Variants in PDE1A observed in about 807,000 individuals in gnomAD.
PDE1A encodes phosphodiesterase 1A.
PDE1A carries 35 observed loss-of-function variants against 61.7 expected under a neutral mutation model. The ratio of observed to expected loss-of-function variants is 0.57; its 90% CI spans 0.43 to 0.75. The LOEUF (loss-of-function observed/expected upper bound fraction) is 0.75, where lower values mean the gene tolerates loss of function less well. Ranked by LOEUF, PDE1A falls within the 30% of genes least tolerant of loss-of-function variation. The pLI is 0.00. For synonymous variants in PDE1A, 232 were observed against 213.2 expected (o/e 1.09, Z -0.77); for missense variants, 597 against 630.6 (o/e 0.95, Z 0.57).
At chr2:182,642,066 A>C in the PDE1A span, among the ~76,000 whole-genome samples, 3 of 152,248 alleles carry the variant, frequency 2.0e-5, no homozygotes. Flanking sequence ...TTCATAGGAC[A>C]AACTTAACTA....
upstream of PDE1A, among the ~76,000 whole-genome samples, chr2:182,526,817 T>C (rs1690779081): frequency 6.6e-6 from 1 of 152,124 alleles, no homozygotes; most frequent in Admixed American, 6.5e-5. Flanking sequence ...CAATTCAAAA[T>C]TATAAAACAC....
the PDE1A span, among the ~76,000 whole-genome samples, chr2:182,659,721 T>G: frequency 6.6e-6 from 1 of 152,218 alleles, no homozygotes; most frequent in Non-Finnish European, 1.5e-5. Context: ...GGTATTCCTT[T>G]CCTCACTTAC....
chr2:182,326,465 CA>C (rs1208734571), intron 1 of PDE1A, among the ~76,000 whole-genome samples: 1 of 151,906 alleles, frequency 6.6e-6, no homozygotes, highest in Middle Eastern at 3.2e-3. Flanking sequence ...AAGTTAGATG[CA>C]AAAAAGATGA....
the PDE1A span, among the ~76,000 whole-genome samples, chr2:182,597,172 T>A: frequency 1.4e-5 from 2 of 143,754 alleles, no homozygotes; most frequent in Admixed American, 1.4e-4. Context: ...AAAAAAAAAT[T>A]TTTTTTTTAA....
chr2:182,422,051 C>A (rs1703311728), intron 1 of PDE1A, among the ~76,000 whole-genome samples: 1 of 152,190 alleles, frequency 6.6e-6, no homozygotes, highest in Non-Finnish European at 1.5e-5. Flanking sequence ...ACAGCGTGAT[C>A]TGAATGCTGT....
chr2:182,532,452 C>T, the PDE1A span, among the ~76,000 whole-genome samples: 1 of 151,672 alleles, frequency 6.6e-6, no homozygotes, highest in African/African-American at 2.4e-5. Context: ...TGTATGATTC[C>T]GATTATATGA....
chr2:182,564,387 C>G, the PDE1A span, among the ~76,000 whole-genome samples: 1 of 152,168 alleles, frequency 6.6e-6, no homozygotes, highest in African/African-American at 2.4e-5. Flanking sequence ...TTGGCCCCCA[C>G]TCTCTTCTGG....
At chr2:182,553,905 T>A in the PDE1A span, among the ~76,000 whole-genome samples, 1 of 152,332 alleles carries the variant, frequency 6.6e-6, no homozygotes, top group South Asian at 2.1e-4. Context: ...GGTGGGTGCA[T>A]GCCGAAAAGT....
the PDE1A span, among the ~76,000 whole-genome samples, chr2:182,607,673 T>C: frequency 2.0e-5 from 3 of 152,236 alleles, no homozygotes; most frequent in Non-Finnish European, 4.4e-5. Flanking sequence ...CAACTGCGTG[T>C]AAATTTACCT....
intron 2 of PDE1A, among the ~76,000 whole-genome samples, chr2:182,461,010 G>A (rs951504916): frequency 1.3e-5 from 2 of 152,094 alleles, no homozygotes; most frequent in East Asian, 3.9e-4. Flanking sequence ...AAATAAATAA[G>A]CTTCTTTACT....
At chr2:182,659,112 ATCTC>A in the PDE1A span, among the ~76,000 whole-genome samples, 15 of 152,228 alleles carry the variant, frequency 9.9e-5, no homozygotes, top group East Asian at 2.9e-3. Context: ...TATACCATCC[ATCTC>A]TCTATTTGTA....
At chr2:182,329,089 T>C (rs1697231972) in intron 1 of PDE1A, among the ~76,000 whole-genome samples, 3 of 152,162 alleles carry the variant, frequency 2.0e-5, no homozygotes, top group Admixed American at 1.3e-4. Context: ...AAAAAAATTA[T>C]ACACAACAAA....
At chr2:182,637,650 T>C in the PDE1A span, among the ~76,000 whole-genome samples, 1 of 152,132 alleles carries the variant, frequency 6.6e-6, no homozygotes, top group Non-Finnish European at 1.5e-5. Flanking sequence ...GGCCGGGCAC[T>C]GTGGCTCACA....
intron 13 of PDE1A, among the ~76,000 whole-genome samples, chr2:182,162,285 G>T (rs984775628): frequency 6.6e-6 from 1 of 152,152 alleles, no homozygotes; most frequent in Non-Finnish European, 1.5e-5. Flanking sequence ...GGCAAGGTGG[G>T]CGTAGTTACT....
chr2:182,230,560 GATGA>G (rs1294984257), intron 5 of PDE1A, among the ~76,000 whole-genome samples: 2 of 152,136 alleles, frequency 1.3e-5, no homozygotes, highest in Non-Finnish European at 2.9e-5. Flanking sequence ...TACAGGAAAT[GATGA>G]AAGTAATAAG....
At chr2:182,526,633 T>C (rs1433057702), upstream of PDE1A, among the ~76,000 whole-genome samples, 6 of 152,214 alleles carry the variant, frequency 3.9e-5, no homozygotes, top group African/African-American at 1.4e-4. Flanking sequence ...ATCTATGAGT[T>C]TGATTAAACT....
At chr2:182,687,050 T>C in the PDE1A span, among the ~76,000 whole-genome samples, 1 of 152,214 alleles carries the variant, frequency 6.6e-6, no homozygotes. Flanking sequence ...TTGAACTAGG[T>C]GGAGCCCACC....
the PDE1A span, among the ~76,000 whole-genome samples, chr2:182,551,744 G>A: frequency 1.3e-5 from 2 of 152,208 alleles, no homozygotes; most frequent in African/African-American, 4.8e-5. Flanking sequence ...TCCTGGTGGA[G>A]TCAGGCTGAA....
intron 1 of PDE1A, among the ~76,000 whole-genome samples, chr2:182,283,866 A>G (rs1693985977): frequency 6.6e-6 from 1 of 152,120 alleles, no homozygotes; most frequent in African/African-American, 2.4e-5. Context: ...CTTGTAAAAG[A>G]TTATCCATTA....
Sources: gnomAD v4.1 joint callset for allele counts (sites outside exome capture counted in the v4.1 genomes callset) on GRCh38, gnomAD v4.1.1 for gene constraint, MANE v1.5 for transcripts, NCBI Gene and HGNC (gene_info 2026-07-23, HGNC 2026-07-21) for gene names.